SEMA6D: variants seen among roughly 807,000 people sequenced by gnomAD.
SEMA6D encodes the protein semaphorin 6D.
A neutral mutation model predicts 106.6 loss-of-function variants in SEMA6D; 35 were observed. That is an observed-to-expected ratio of 0.33 (90% confidence interval 0.25 to 0.44). The LOEUF (loss-of-function observed/expected upper bound fraction) is 0.44, where lower values mean the gene tolerates loss of function less well. SEMA6D is among the 20% of genes least tolerant of loss of function. The pLI is 1.00. For missense variants in SEMA6D, 1,185 were observed against 1,345.9 expected, an observed-to-expected ratio of 0.88 and a Z score of 1.87; for synonymous variants, 499 against 487.7, an observed-to-expected ratio of 1.02 and a Z score of -0.31.
intron 1 of SEMA6D, among the ~76,000 whole-genome samples, chr15:47,230,078 G>T (rs1178981745): frequency 2.6e-5 from 4 of 151,930 alleles, no homozygotes; most frequent in Admixed American, 1.3e-4. Flanking sequence ...AACTCTCTTG[G>T]AAGTGTTTTT....
chr15:47,240,765 A>G (rs1200408878), intron 1 of SEMA6D, among the ~76,000 whole-genome samples: 1 of 152,190 alleles, frequency 6.6e-6, no homozygotes, highest in African/African-American at 2.4e-5. Flanking sequence ...GTATTTGCCA[A>G]AAATTCAAAT....
chr15:47,497,600 A>G (rs959890556), intron 3 of SEMA6D, among the ~76,000 whole-genome samples: 1 of 152,010 alleles, frequency 6.6e-6, no homozygotes, highest in Non-Finnish European at 1.5e-5. Flanking sequence ...ACATCTCCCT[A>G]GTAGATTCTT....
intron 1 of SEMA6D, among the ~76,000 whole-genome samples, chr15:47,216,390 C>T (rs1015324942): frequency 3.9e-5 from 6 of 152,184 alleles, no homozygotes; most frequent in Admixed American, 1.3e-4. Context: ...TATTTAAAGC[C>T]GTTTGCCAAT....
rs1165308985 is a variant in SEMA6D at position 47,302,344 on chromosome 15, T to TA, written c.-238-110047dup. Among the ~76,000 whole-genome samples, 47 of 152,202 alleles carry TA rather than the reference T, an allele frequency of 3.1e-4. 1 individual carries two copies. The highest frequency in any genetic ancestry group is 1.0e-4 in the Non-Finnish European group (7 of 68,028). On this transcript the variant is annotated intron_variant, in intron 1 of 19. Coordinates refer to the SEMA6D transcript ENST00000558014. Reference sequence around the variant, plus strand: ...TGTCTCTTGCAAGTTTTGCAGTGACTAATGCAAACTTTTCTTATACAATTT... The same window carrying TA: ...TGTCTCTTGCAAGTTTTGCAGTGACTAAATGCAAACTTTTCTTATACAATTT...
At chr15:47,194,599 T>C (rs1894204386) in intron 1 of SEMA6D, among the ~76,000 whole-genome samples, 1 of 152,164 alleles carries the variant, frequency 6.6e-6, no homozygotes, top group Non-Finnish European at 1.5e-5. Flanking sequence ...TTAGAGAATG[T>C]TCAGTAGGGC....
intron 2 of SEMA6D, among the ~76,000 whole-genome samples, chr15:47,413,128 G>A (rs1361520030): frequency 1.3e-5 from 2 of 152,104 alleles, no homozygotes; most frequent in East Asian, 1.9e-4. Flanking sequence ...GTGTGTATGT[G>A]TATTTACATA....
intron 3 of SEMA6D, among the ~76,000 whole-genome samples, chr15:47,526,682 G>A (rs1377445644): frequency 6.6e-6 from 1 of 152,084 alleles, no homozygotes; most frequent in African/African-American, 2.4e-5. Flanking sequence ...TTTGGTTTTA[G>A]CTTTTGTTGG....
chr15:47,410,079 A>G (rs1318503179), intron 1 of SEMA6D, among the ~76,000 whole-genome samples: 5 of 151,958 alleles, frequency 3.3e-5, no homozygotes, highest in African/African-American at 4.8e-5. Flanking sequence ...GGCTCAGGTG[A>G]TCCTCTGACC....
chr15:47,239,456 C>A (rs766217451), intron 1 of SEMA6D, among the ~76,000 whole-genome samples: 1 of 152,164 alleles, frequency 6.6e-6, no homozygotes, highest in Admixed American at 6.5e-5. Context: ...TTCTACGAAA[C>A]CAGTCCCTGG....
intron 3 of SEMA6D, among the ~76,000 whole-genome samples, chr15:47,587,829 C>T (rs539515855): frequency 6.6e-6 from 1 of 151,082 alleles, no homozygotes; most frequent in East Asian, 1.9e-4. Context: ...TTTGACATTT[C>T]GGATTTCAGT....
chr15:47,344,928 G>T (rs2037983639), intron 1 of SEMA6D, among the ~76,000 whole-genome samples: 1 of 152,104 alleles, frequency 6.6e-6, no homozygotes, highest in South Asian at 2.1e-4. Flanking sequence ...TTTGGAAATT[G>T]ATATAAAAAG....
chr15:47,502,159 C>T (rs1476190699), intron 3 of SEMA6D, among the ~76,000 whole-genome samples: 2 of 152,106 alleles, frequency 1.3e-5, no homozygotes. Context: ...ACACATATTT[C>T]AGCAGTGACC....
intron 3 of SEMA6D, among the ~76,000 whole-genome samples, chr15:47,553,689 T>C (rs767202481): frequency 1.2e-4 from 18 of 152,152 alleles, no homozygotes; most frequent in Non-Finnish European, 2.2e-4. Flanking sequence ...AAAGCTTTTT[T>C]TCTCCTGCAC....
intron 1 of SEMA6D, among the ~76,000 whole-genome samples, chr15:47,307,428 TG>T (rs2036273133): frequency 6.6e-6 from 1 of 152,176 alleles, no homozygotes; most frequent in Non-Finnish European, 1.5e-5. Context: ...ATGAAATTGG[TG>T]GTAATTCTCA....
At chr15:47,703,361 A>G (rs1354978101) in intron 4 of SEMA6D, among the ~76,000 whole-genome samples, 1 of 152,226 alleles carries the variant, frequency 6.6e-6, no homozygotes, top group African/African-American at 2.4e-5. Context: ...TTTCTAAGAC[A>G]TGAAATACAA....
At chr15:47,705,617 C>T (rs1429575233) in intron 4 of SEMA6D, among the ~76,000 whole-genome samples, 1 of 152,162 alleles carries the variant, frequency 6.6e-6, no homozygotes, top group East Asian at 1.9e-4. Flanking sequence ...CTCATTTCCT[C>T]CTTCAAGCAG....
chr15:47,525,129 GTC>G (rs2044710146), intron 3 of SEMA6D: 2 of 152,194 alleles, frequency 1.3e-5, no homozygotes, highest in African/African-American at 2.4e-5. Context: ...CCTACCAGTA[GTC>G]TCTCTCTCTG....
At chr15:47,474,640 A>G (rs1359251777) in intron 3 of SEMA6D, among the ~76,000 whole-genome samples, 2 of 152,196 alleles carry the variant, frequency 1.3e-5, no homozygotes, top group African/African-American at 4.8e-5. Flanking sequence ...TTTAACACCT[A>G]CGCAAGTTGC....
chr15:47,260,537 T>C (rs939001727), intron 1 of SEMA6D, among the ~76,000 whole-genome samples: 3 of 152,124 alleles, frequency 2.0e-5, no homozygotes, highest in Non-Finnish European at 2.9e-5. Context: ...CAGTGTCTTC[T>C]GGAGGGGAAA....
Sources: allele counts gnomAD v4.1 joint callset (sites outside exome capture counted in the v4.1 genomes callset), GRCh38; gene constraint gnomAD v4.1.1; transcripts MANE v1.5; gene names NCBI Gene and HGNC (gene_info 2026-07-23, HGNC 2026-07-21).